The following THSD4 variants were observed in gnomAD, a reference collection of about 807,000 sequenced individuals.
The protein encoded by THSD4 is thrombospondin type-1 domain-containing protein 4.
In THSD4, 69 loss-of-function variants were observed where a neutral mutation model predicts 119.0. The ratio of observed to expected loss-of-function variants is 0.58; its 90% CI spans 0.48 to 0.71. The LOEUF (loss-of-function observed/expected upper bound fraction) is 0.71, where lower values mean the gene tolerates loss of function less well. THSD4 is among the 30% of genes least tolerant of loss of function. The pLI is 0.00. For missense variants in THSD4, 1,393 were observed against 1,391.1 expected (o/e 1.00, Z -0.02); for synonymous variants, 524 against 540.4 (o/e 0.97, Z 0.42).
Position 71,778,317 on chromosome 15 carries a change from C to G in THSD4, c.*943C>G, listed in dbSNP as rs796880348. 6 of 152,366 alleles carry G rather than the reference C, an allele frequency of 3.9e-5. No homozygotes were observed. The highest frequency in any genetic ancestry group is 1.4e-4 in the African/African-American group (6 of 41,564). The allele number at this position is 152,366 out of a possible 1,614,324, so 9.4% of individuals were successfully genotyped here. ...GCCCTTACCCCCAAAGTTACAGATC[C>G]TAGTTACAGGACTCTGCCAGCTTTG... On this transcript the variant is annotated 3_prime_UTR_variant, in exon 18 of 18. Transcript: ENST00000261862.
intron 8 of THSD4, among the ~76,000 whole-genome samples, chr15:71,686,049 CT>C (rs1461795980): frequency 6.6e-6 from 1 of 152,096 alleles, no homozygotes; most frequent in Non-Finnish European, 1.5e-5. Flanking sequence ...CCAGCTTCCC[CT>C]AATAAGAAAT....
At chr15:71,337,155 T>A (rs1458313092) in intron 6 of THSD4, among the ~76,000 whole-genome samples, 1 of 152,216 alleles carries the variant, frequency 6.6e-6, no homozygotes, top group Non-Finnish European at 1.5e-5. Flanking sequence ...TGGATGTGTC[T>A]TAGTTGGGTA....
chr15:71,436,720 C>T (rs752609172), intron 7 of THSD4, among the ~76,000 whole-genome samples: 8 of 152,126 alleles, frequency 5.3e-5, no homozygotes, highest in Non-Finnish European at 8.8e-5. Context: ...ATGCATAGCA[C>T]GGGGGAATTG....
At chr15:71,367,451 A>G (rs904613632) in intron 6 of THSD4, among the ~76,000 whole-genome samples, 5 of 152,110 alleles carry the variant, frequency 3.3e-5, no homozygotes, top group African/African-American at 1.2e-4. Flanking sequence ...ACCCCACGAC[A>G]GGCCCCGGTG....
chr15:71,577,896 C>T (rs1282673227), intron 7 of THSD4, among the ~76,000 whole-genome samples: 6 of 149,856 alleles, frequency 4.0e-5, no homozygotes, highest in African/African-American at 1.2e-4. Context: ...TTTTCGTGTG[C>T]GGTTTTAGTA....
intron 3 of THSD4, among the ~76,000 whole-genome samples, chr15:71,183,606 T>C (rs11072259): frequency 0.56 from 84,328 of 151,374 alleles, 26,544 homozygotes; most frequent in Middle Eastern, 0.7. Context: ...GGTGTTACTG[T>C]TGTTGCTGCA....
At chr15:71,148,611 G>A (rs984315905) in intron 2 of THSD4, among the ~76,000 whole-genome samples, 3 of 152,056 alleles carry the variant, frequency 2.0e-5, no homozygotes, top group South Asian at 2.1e-4. Context: ...GCTTTATTGC[G>A]TCCACCTAGT....
At chr15:71,618,829 C>T (rs2050368914) in intron 7 of THSD4, among the ~76,000 whole-genome samples, 1 of 152,096 alleles carries the variant, frequency 6.6e-6, no homozygotes, top group African/African-American at 2.4e-5. Context: ...CCGCCTGCCT[C>T]AGCCTCTCAA....
At chr15:71,727,639 A>T (rs1222514987) in intron 8 of THSD4, among the ~76,000 whole-genome samples, 3 of 145,168 alleles carry the variant, frequency 2.1e-5, no homozygotes, top group Non-Finnish European at 3.0e-5. Context: ...GCATGGTGGT[A>T]CATGCCTATA....
At chr15:71,397,619 G>C (rs1437129864) in intron 6 of THSD4, among the ~76,000 whole-genome samples, 2 of 152,230 alleles carry the variant, frequency 1.3e-5, no homozygotes, top group African/African-American at 2.4e-5. Flanking sequence ...CCTTGACCTT[G>C]AGAGGGTGAG....
At chr15:71,221,517 T>C (rs2043975972) in intron 4 of THSD4, among the ~76,000 whole-genome samples, 1 of 152,206 alleles carries the variant, frequency 6.6e-6, no homozygotes, top group South Asian at 2.1e-4. Context: ...CTTAAGTATC[T>C]CATGTAAATT....
At chr15:71,332,394 A>T (rs1285488865) in intron 6 of THSD4, among the ~76,000 whole-genome samples, 1 of 152,206 alleles carries the variant, frequency 6.6e-6, no homozygotes, top group Non-Finnish European at 1.5e-5. Flanking sequence ...TTAAAGGATG[A>T]TGTATGTGTG....
chr15:71,105,915 G>A (rs1306438404), intron 1 of THSD4, among the ~76,000 whole-genome samples: 1 of 152,140 alleles, frequency 6.6e-6, no homozygotes, highest in East Asian at 1.9e-4. Flanking sequence ...CTCTTGAGAT[G>A]TTGAGCTTGA....
At chr15:71,155,037 C>G in intron 3 of THSD4, 105 bp downstream of exon 3, 1 of 1,045,556 alleles carries the variant, frequency 9.6e-7, no homozygotes, top group Non-Finnish European at 1.5e-6. Flanking sequence ...CACCACTGAT[C>G]CTGAAAGGAA....
Position 71,381,383 on chromosome 15 carries a change from A to C in THSD4, c.1016-30304A>C, listed in dbSNP as rs149838629. On this transcript the variant is annotated intron_variant, in intron 6 of 17. Coordinates refer to ENST00000261862, the MANE Select transcript of THSD4 (RefSeq NM_024817.3). The stretch of plus-strand genomic sequence containing the variant: ...TAACAATTTTAGTATTGGCTGACTT[A>C]ATATAAAAACCTGCCAAAGCATTTC... Among the ~76,000 whole-genome samples, 27 of 152,322 alleles carry C rather than the reference A, an allele frequency of 1.8e-4. No individual in the cohort carries two copies. The East Asian group carries it at 4.2e-3, about 24-fold the overall frequency.
intron 7 of THSD4, among the ~76,000 whole-genome samples, chr15:71,486,537 A>T (rs938836690): frequency 2.6e-5 from 4 of 151,690 alleles, no homozygotes; most frequent in Non-Finnish European, 5.9e-5. Context: ...TTATGCATGC[A>T]GTTATCGCTC....
chr15:71,707,357 G>A (rs2052413852), intron 8 of THSD4, among the ~76,000 whole-genome samples: 1 of 152,170 alleles, frequency 6.6e-6, no homozygotes, highest in African/African-American at 2.4e-5. Context: ...ATTAGAATAA[G>A]CTATAGTCCA....
rs1042889182 is a variant in THSD4, at chr15:71,547,331, G to A, written c.1153-113199G>A. On this transcript the variant is annotated intron_variant, in intron 7 of 17. Transcript: ENST00000261862. ...AGCGGAACTCCAGGGCTGGAATCCC[G>A]AGACACAAGTGCATCTGCTAGCTGT... is the stretch of plus-strand genomic sequence containing the variant. The A allele has an allele frequency of 9.5e-5, 147 of 1,540,134 alleles. 1 individual carries two copies. The Middle Eastern group carries it at 3.1e-3, about 32-fold the overall frequency.
At chr15:71,406,918 A>G (rs1333494315) in intron 6 of THSD4, among the ~76,000 whole-genome samples, 1 of 152,020 alleles carries the variant, frequency 6.6e-6, no homozygotes, top group East Asian at 1.9e-4. Context: ...TCCTGATCTC[A>G]GGTGATCAGC....
Sources: gnomAD v4.1 joint callset for allele counts (sites outside exome capture counted in the v4.1 genomes callset) on GRCh38, gnomAD v4.1.1 for gene constraint, MANE v1.5 for transcripts, NCBI Gene and HGNC (gene_info 2026-07-23, HGNC 2026-07-21) for gene names.